Variants in SCG5 observed in about 807,000 individuals in gnomAD.
SCG5 encodes the protein secretogranin V.
SCG5 carries 18 observed loss-of-function variants against 25.7 expected under a neutral mutation model. The observed-to-expected ratio is 0.70, with a 90% CI of 0.48 to 1.04. SCG5 has a LOEUF of 1.04. Ranked by LOEUF, SCG5 falls within the 50% of genes least tolerant of loss-of-function variation. The pLI, the probability that SCG5 is intolerant of heterozygous loss-of-function variation, is 0.00. For synonymous variants in SCG5, 101 were observed against 91.7 expected, an observed-to-expected ratio of 1.10 and a Z score of -0.58; for missense variants, 206 against 259.8, an observed-to-expected ratio of 0.79 and a Z score of 1.42.
At chr15:32,674,305 A>G (rs1305166822) in intron 2 of SCG5, among the ~76,000 whole-genome samples, 1 of 152,182 alleles carries the variant, frequency 6.6e-6, no homozygotes, top group Non-Finnish European at 1.5e-5. Flanking sequence ...ATAATCGGAA[A>G]CCTCTGTTAA....
intron 2 of SCG5, among the ~76,000 whole-genome samples, chr15:32,668,206 TCAGAAA>T (rs1010833424): frequency 6.6e-6 from 1 of 152,164 alleles, no homozygotes; most frequent in Non-Finnish European, 1.5e-5. Context: ...TGCTGGGAAC[TCAGAAA>T]CAGAAAAGAA....
At chr15:32,686,899 G>T (rs553050742) in intron 4 of SCG5, among the ~76,000 whole-genome samples, 1 of 152,286 alleles carries the variant, frequency 6.6e-6, no homozygotes, top group East Asian at 1.9e-4. Context: ...AGGGCCAGGG[G>T]CAATTATTAG....
At chr15:32,695,118 C>T (rs1031500290) in intron 5 of SCG5, among the ~76,000 whole-genome samples, 1 of 152,022 alleles carries the variant, frequency 6.6e-6, no homozygotes. Context: ...CAGGTTCCTG[C>T]CATTCTCCTG....
In SCG5 at chr15:32,688,820, G is replaced by A. The variant is rs372526006; in HGVS notation, c.490-2890G>A. ...AAAAATACAAAAAAATTAGCCGGGC[G>A]CGGTGGCGGGTGCCTGTAGTCCCAG... On this transcript the variant is annotated intron_variant, in intron 4 of 5. Transcript: ENST00000300175. Among the ~76,000 whole-genome samples the A allele has an allele frequency of 1.2e-4, 19 of 152,174 alleles. No individual in the cohort carries two copies. In the East Asian group the frequency reaches 3.5e-3, roughly 28 times the overall value.
At chr15:32,696,157 G>A (rs755374278) in intron 5 of SCG5, among the ~76,000 whole-genome samples, 5 of 150,932 alleles carry the variant, frequency 3.3e-5, no homozygotes, top group African/African-American at 7.3e-5. Flanking sequence ...TTGCTCTGTC[G>A]CCCAGGCTGG....
chr15:32,663,113 C>G (rs1291650646), intron 2 of SCG5, among the ~76,000 whole-genome samples: 2 of 120,560 alleles, frequency 1.7e-5, no homozygotes, highest in South Asian at 5.2e-4. Flanking sequence ...CATATGTATA[C>G]ATATATACAT....
chr15:32,648,417 T>A (rs1237312920), intron 2 of SCG5, among the ~76,000 whole-genome samples: 1 of 152,088 alleles, frequency 6.6e-6, no homozygotes, highest in Non-Finnish European at 1.5e-5. Context: ...GGAGTTAAAC[T>A]TTTTTCAGGA....
intron 2 of SCG5, among the ~76,000 whole-genome samples, chr15:32,649,337 A>T (rs1362130173): frequency 6.6e-6 from 1 of 152,188 alleles, no homozygotes; most frequent in Non-Finnish European, 1.5e-5. Flanking sequence ...AAAATATTCC[A>T]TTTCTATTCT....
At chr15:32,663,064 TATATATATATATATA>T (rs1567076454) in intron 2 of SCG5, among the ~76,000 whole-genome samples, 4 of 44,656 alleles carry the variant, frequency 9.0e-5, no homozygotes, top group South Asian at 1.8e-3. Context: ...TATATATATA[TATATATATATATATA>T]ATATATAATA....
At chr15:32,674,350 T>A (rs1284665060) in intron 2 of SCG5, among the ~76,000 whole-genome samples, 2 of 151,884 alleles carry the variant, frequency 1.3e-5, no homozygotes, top group Non-Finnish European at 2.9e-5. Context: ...TTTTAGAGAG[T>A]CAAATTATAT....
In SCG5 at chr15:32,643,810, G is replaced by A; in HGVS notation, c.218G>A (p.Ser73Asn). The change falls in exon 2 of 6, where the codon AGC (serine) becomes AAC (asparagine). Residue 73 changes from serine to asparagine, a missense_variant. Transcript: ENST00000300175. The stretch of plus-strand genomic sequence containing the variant: ...GCCATGAATCTTGTGGGCCCCCAGA[G>A]CATTGAAGGTATTTACTGTGTTCTG... The part of the protein sequence containing the change: ...HQAMNLVGPQ[S>N]IEGGAHEGLQ... 5 of 1,613,184 alleles carry A rather than the reference G, an allele frequency of 3.1e-6. No homozygotes were observed. Among genetic ancestry groups the A allele is most frequent in the Non-Finnish European group, 4.2e-6 (5 of 1,179,648 alleles).
At chr15:32,652,422 T>G (rs1036810351) in intron 2 of SCG5, among the ~76,000 whole-genome samples, 2 of 152,140 alleles carry the variant, frequency 1.3e-5, no homozygotes, top group African/African-American at 4.8e-5. Context: ...CGGTTTCTGT[T>G]AAGGTTGTTT....
intron 1 of SCG5, among the ~76,000 whole-genome samples, chr15:32,643,137 C>T (rs1367324407): frequency 6.6e-6 from 1 of 152,208 alleles, no homozygotes; most frequent in Non-Finnish European, 1.5e-5. Context: ...TGATTTGTGT[C>T]TTCCTGACTC....
At chr15:32,643,922 AT>A (rs534348268) in intron 2 of SCG5, 104 bp downstream of exon 2, 7 of 993,678 alleles carry the variant, frequency 7.0e-6, no homozygotes, top group African/African-American at 1.6e-5. Flanking sequence ...TTATTATCCT[AT>A]TTTTTTCAGA....
chr15:32,643,455 A>G lies in SCG5; in HGVS notation c.-7-131A>G, dbSNP rs906780692. 2.7e-5 allele frequency: 19 copies of G among 696,292 alleles called. No homozygotes were observed. The Admixed American group carries it at 4.1e-4, about 15-fold the overall frequency. The allele number at this position is 696,292 out of a possible 1,614,324, so 43.1% of individuals were successfully genotyped here. ...AAACTTAAGACAAAAGCAACCTCCT[A>G]AGGATTCTTTGTTACAACCCCTTTC... On this transcript the variant is annotated intron_variant, in intron 1 of 5. Transcript: ENST00000300175.
At chr15:32,696,402 C>G (rs903592367) in intron 5 of SCG5, 112 bp from the exon 6 acceptor site, 8 of 730,156 alleles carry the variant, frequency 1.1e-5, no homozygotes, top group Non-Finnish European at 1.8e-5. Context: ...CAGGCGTGAG[C>G]CACCGCGCCC....
intron 1 of SCG5, among the ~76,000 whole-genome samples, chr15:32,642,898 A>C (rs1035378742): frequency 6.6e-6 from 1 of 152,078 alleles, no homozygotes; most frequent in Non-Finnish European, 1.5e-5. Context: ...CCTCACAACA[A>C]CCCTAAAAGG....
chr15:32,689,069 A>G (rs962274493), intron 4 of SCG5, among the ~76,000 whole-genome samples: 1 of 152,146 alleles, frequency 6.6e-6, no homozygotes. Context: ...ACATCCATTG[A>G]TGATGCTTAC....
intron 2 of SCG5, among the ~76,000 whole-genome samples, chr15:32,670,046 GC>G (rs2054393596): frequency 6.6e-6 from 1 of 152,194 alleles, no homozygotes; most frequent in Admixed American, 6.5e-5. Context: ...TTGCGTCTCT[GC>G]CTTCACTGTT....
Sources: allele counts gnomAD v4.1 joint callset (sites outside exome capture counted in the v4.1 genomes callset), GRCh38; gene constraint gnomAD v4.1.1; transcripts MANE v1.5; gene names NCBI Gene and HGNC (gene_info 2026-07-23, HGNC 2026-07-21).